CD200: variants seen among roughly 807,000 people sequenced by gnomAD.
CD200 encodes the protein OX-2 membrane glycoprotein.
CD200 carries 15 observed loss-of-function variants against 30.9 expected under a neutral mutation model. That is an observed-to-expected ratio of 0.49 (90% CI 0.32 to 0.75). CD200 has a LOEUF of 0.75. CD200 is among the 30% of genes least tolerant of loss of function. The pLI is 0.03. For synonymous variants in CD200, 134 were observed against 126.2 expected (o/e 1.06, Z -0.41); for missense variants, 262 against 324.2 (o/e 0.81, Z 1.47).
intron 1 of CD200, among the ~76,000 whole-genome samples, chr3:112,336,390 GA>G (rs2081118196): frequency 6.6e-6 from 1 of 151,970 alleles, no homozygotes; most frequent in East Asian, 1.9e-4. Flanking sequence ...GCCATCACAA[GA>G]CAATAAAAAT....
rs975832804 is a variant in CD200 at position 112,362,593 on chromosome 3, A to G, written c.*1043A>G. ...TAAAGATATTGTTCCAGCTAGTGGA[A>G]TGATGTTGAATCTTTAATAACCATA... is the stretch of plus-strand genomic sequence containing the variant. On this transcript the variant is annotated 3_prime_UTR_variant, in exon 6 of 6. Transcript: ENST00000315711. 6.6e-6 allele frequency: 1 copy of G among 152,630 alleles called. No homozygotes were observed. Among genetic ancestry groups the G allele is most frequent in the Non-Finnish European group, 1.5e-5 (1 of 68,032 alleles). The allele number at this position is 152,630 out of a possible 1,614,324, so 9.5% of individuals were successfully genotyped here.
chr3:112,338,168 G>A (rs554736255), intron 1 of CD200, among the ~76,000 whole-genome samples: 92 of 152,278 alleles, frequency 6.0e-4, no homozygotes, highest in Non-Finnish European at 1.2e-3. Flanking sequence ...GCTGAGACTA[G>A]GGTGGTAAAG....
At chr3:112,360,469 A>G (rs943974734) in intron 5 of CD200, among the ~76,000 whole-genome samples, 2 of 152,176 alleles carry the variant, frequency 1.3e-5, no homozygotes, top group Non-Finnish European at 2.9e-5. Context: ...CTTACACTCT[A>G]TGATAAGAAT....
Position 112,349,723 on chromosome 3 carries a change from T to C in CD200, c.706T>C (p.Ser236Pro). 1 of 1,612,356 alleles carries C rather than the reference T, an allele frequency of 6.2e-7. No individual in the cohort carries two copies. The highest frequency in any genetic ancestry group is 8.5e-7 in the Non-Finnish European group (1 of 1,179,096). Residue 236 changes from serine to proline, a missense_variant, in exon 5 of 6, where the codon TCA (serine) becomes CCA (proline). Physicochemically the swap from Ser to Pro is moderately conservative, Grantham distance 74. Coordinates refer to ENST00000315711, the MANE Select transcript of CD200 (RefSeq NM_005944.7). ...KQTVNKGYWF[S>P]VPLLLSIVSL... ...TTCAATATCTATAGGCTATTGGTTT[T>C]CAGTTCCGCTATTGCTAAGCATTGT... is the stretch of plus-strand genomic sequence containing the variant.
At chr3:112,354,172 T>C (rs1467749167) in intron 5 of CD200, among the ~76,000 whole-genome samples, 1 of 152,088 alleles carries the variant, frequency 6.6e-6, no homozygotes, top group Non-Finnish European at 1.5e-5. Context: ...GACCCAAATT[T>C]TAAGTTTCAG....
At chr3:112,346,516 C>G (rs374826520) in intron 3 of CD200, among the ~76,000 whole-genome samples, 1 of 152,014 alleles carries the variant, frequency 6.6e-6, no homozygotes, top group Non-Finnish European at 1.5e-5. Context: ...GTAAGCCATT[C>G]TTTGATACAT....
chr3:112,347,541 T>C lies in CD200; in HGVS notation c.422-17T>C. ...GGTGCTTAACTGATAACAGATCATA[T>C]TTATTTTTTGTCCCAGTACAGCCCA... On this transcript the variant is annotated splice_polypyrimidine_tract_variant and intron_variant, in intron 3 of 5. Transcript: ENST00000315711. 1 of 1,612,290 alleles carries C rather than the reference T, an allele frequency of 6.2e-7. No homozygotes were observed. Among genetic ancestry groups the C allele is most frequent in the Non-Finnish European group, 8.5e-7 (1 of 1,178,540 alleles).
chr3:112,335,049 A>G (rs183740222), intron 1 of CD200, among the ~76,000 whole-genome samples: 3 of 152,316 alleles, frequency 2.0e-5, no homozygotes, highest in Admixed American at 1.3e-4. Flanking sequence ...TGTCTCCACA[A>G]TTGCCTTAGC....
At chr3:112,351,960 C>T (rs1406042640) in intron 5 of CD200, among the ~76,000 whole-genome samples, 2 of 152,186 alleles carry the variant, frequency 1.3e-5, no homozygotes, top group Non-Finnish European at 2.9e-5. Flanking sequence ...AGAGAGAACT[C>T]ACTCACACCA....
intron 1 of CD200, chr3:112,335,779 C>T (rs1210923413): frequency 2.4e-5 from 16 of 653,530 alleles, no homozygotes; most frequent in Non-Finnish European, 4.4e-5. Context: ...AAGAAGAGCC[C>T]TTTTCCAGCA....
intron 5 of CD200, among the ~76,000 whole-genome samples, chr3:112,361,082 G>A (rs2081731507): frequency 6.6e-6 from 1 of 152,158 alleles, no homozygotes; most frequent in South Asian, 2.1e-4. Context: ...ATTGCCTGGG[G>A]CTGGAGTGCG....
chr3:112,349,754 T>C lies in CD200; in HGVS notation c.737T>C (p.Leu246Pro). ...CCGCTATTGCTAAGCATTGTTTCCC[T>C]GGTAATTCTTCTCGTCCTAATCTCA... ...SVPLLLSIVS[L>P]VILLVLISIL... Residue 246 changes from leucine (L) to proline (P), a missense_variant, in exon 5 of 6, where the codon CTG becomes CCG. Transcript: ENST00000315711. 9 of 1,612,370 alleles carry C rather than the reference T, an allele frequency of 5.6e-6. No homozygotes were observed. Among genetic ancestry groups the C allele is most frequent in the Admixed American group, 1.7e-5 (1 of 59,828 alleles).
At chr3:112,346,301 T>C (rs551283133) in intron 3 of CD200, among the ~76,000 whole-genome samples, 9 of 152,140 alleles carry the variant, frequency 5.9e-5, no homozygotes, top group East Asian at 1.9e-4. Context: ...TAATTTTTCT[T>C]TTTTTCTTGT....
chr3:112,333,259 G>A (rs1225214307), intron 1 of CD200, 35 bp downstream of exon 1: 9 of 1,544,830 alleles, frequency 5.8e-6, no homozygotes, highest in Non-Finnish European at 7.9e-6. Flanking sequence ...GGAGGGCGCA[G>A]GGCAGGCGAT....
chr3:112,338,805 A>C (rs2081175970), intron 1 of CD200, among the ~76,000 whole-genome samples: 1 of 152,212 alleles, frequency 6.6e-6, no homozygotes, highest in African/African-American at 2.4e-5. Context: ...TTTTGTGACG[A>C]TGTGTCAAAA....
intron 4 of CD200, 145 bp from the exon 5 acceptor site, chr3:112,349,567 T>C: frequency 2.1e-6 from 1 of 469,398 alleles, no homozygotes; most frequent in Non-Finnish European, 3.6e-6. Flanking sequence ...AATATCTAAA[T>C]ATTATTAAAA....
At chr3:112,350,711 G>T (rs1342360929) in intron 5 of CD200, among the ~76,000 whole-genome samples, 1 of 152,232 alleles carries the variant, frequency 6.6e-6, no homozygotes, top group Non-Finnish European at 1.5e-5. Flanking sequence ...AAGGATAGGG[G>T]TCAGGAAAGA....
Position 112,345,039 on chromosome 3 carries a change from G to A in CD200, c.172G>A (p.Glu58Lys). The change falls in exon 3 of 6, where the codon GAA becomes AAA. Residue 58 changes from glutamate (E) to lysine (K), a missense_variant. By Grantham distance (56) the Glu-to-Lys change is moderately conservative. Transcript: ENST00000315711. ...AAAATGCTCTCTGCAAAATGCCCAG[G>A]AAGCCCTCATTGTGACATGGCAGAA... Reference protein sequence around the residue: ...SLKCSLQNAQEALIVTWQKKK... With the variant: ...SLKCSLQNAQKALIVTWQKKK... 6.2e-6 allele frequency: 10 copies of A among 1,614,044 alleles called. No individual in the cohort carries two copies. Among genetic ancestry groups the A allele is most frequent in the Non-Finnish European group, 7.6e-6 (9 of 1,179,978 alleles).
intron 5 of CD200, among the ~76,000 whole-genome samples, chr3:112,356,826 A>G (rs2081631718): frequency 6.6e-6 from 1 of 152,336 alleles, no homozygotes; most frequent in South Asian, 2.1e-4. Flanking sequence ...GTCCTTTACA[A>G]ACTAGCTGAG....
Sources: gnomAD v4.1 joint callset for allele counts (sites outside exome capture counted in the v4.1 genomes callset) on GRCh38, gnomAD v4.1.1 for gene constraint, MANE v1.5 for transcripts, NCBI Gene and HGNC (gene_info 2026-07-23, HGNC 2026-07-21) for gene names.